The following TGM1 variants were observed in gnomAD, a reference collection of about 807,000 sequenced individuals.
TGM1 encodes the protein transglutaminase 1.
Under a neutral mutation model 88.7 loss-of-function variants are expected in TGM1, and 63 were observed. The ratio of observed to expected loss-of-function variants is 0.71; its 90% CI spans 0.58 to 0.88. The LOEUF (loss-of-function observed/expected upper bound fraction) is 0.88, where lower values mean the gene tolerates loss of function less well. Ranked by LOEUF, TGM1 falls within the 40% of genes least tolerant of loss-of-function variation. The pLI, the probability that TGM1 is intolerant of heterozygous loss-of-function variation, is 0.00. For synonymous variants in TGM1, 415 were observed against 431.1 expected (o/e 0.96, Z 0.46); for missense variants, 996 against 1,118.0 (o/e 0.89, Z 1.56).
chr14:24,250,720 C>T (rs188368012), intron 14 of TGM1, among the ~76,000 whole-genome samples: 2 of 152,194 alleles, frequency 1.3e-5, no homozygotes, highest in Non-Finnish European at 2.9e-5. Flanking sequence ...AAAGGAAACT[C>T]ACCCTTCTCT....
intron 14 of TGM1, among the ~76,000 whole-genome samples, chr14:24,251,732 C>G (rs186811500): frequency 5.9e-5 from 9 of 152,346 alleles, no homozygotes; most frequent in Admixed American, 5.9e-4. Flanking sequence ...TACACACAGG[C>G]GTGTGCTCAG....
In TGM1 at chr14:24,255,314, A is replaced by T; in HGVS notation, c.1645+50T>A. On this transcript the variant is annotated intron_variant, in intron 11 of 14. Coordinates refer to ENST00000206765, the MANE Select transcript of TGM1 (RefSeq NM_000359.3). This position sits in a 1 kb window ranked among gnomAD's most constrained non-coding sequence, Gnocchi z 4.0. Reference sequence around the variant, plus strand: ...CCACGTGGGTGGCCAAGCACTTGGCAGGAACACTTGTTGTGGGGCCCAGAG... The same window carrying T: ...CCACGTGGGTGGCCAAGCACTTGGCTGGAACACTTGTTGTGGGGCCCAGAG... The T allele has an allele frequency of 6.2e-7, 1 of 1,614,236 alleles. No homozygotes were observed. Among genetic ancestry groups the T allele is most frequent in the Non-Finnish European group, 8.5e-7 (1 of 1,180,040 alleles).
In TGM1 at chr14:24,259,858, C is replaced by T; in HGVS notation, c.877-47G>A. The T allele has an allele frequency of 5.0e-6, 8 of 1,609,526 alleles. No individual in the cohort carries two copies. Among genetic ancestry groups the T allele is most frequent in the Non-Finnish European group, 6.8e-6 (8 of 1,176,804 alleles). On this transcript the variant is annotated intron_variant, in intron 5 of 14. Transcript: ENST00000206765. The surrounding 1 kb of genome is among the most constrained non-coding windows in gnomAD (Gnocchi z 5.7). ...AGAGGTGACAGCCTGAACCCTAGGC[C>T]AGCACCCTGCTCCAATACCCCAGCC... is the stretch of plus-strand genomic sequence containing the variant.
At chr14:24,262,425 C>A in intron 1 of TGM1, 71 bp from the exon 2 acceptor site, 2 of 1,523,898 alleles carry the variant, frequency 1.3e-6, no homozygotes, top group South Asian at 1.2e-5. Flanking sequence ...ACCCTCCATC[C>A]AGACAGCTGA....
chr14:24,261,983 G>T (rs896236905), intron 2 of TGM1, 51 bp downstream of exon 2: 1 of 1,610,676 alleles, frequency 6.2e-7, no homozygotes, highest in African/African-American at 1.3e-5. Flanking sequence ...TGAGTCTCTG[G>T]TCCCATTAAA....
chr14:24,258,196 G>C, intron 9 of TGM1, 89 bp downstream of exon 9: 2 of 1,154,772 alleles, frequency 1.7e-6, no homozygotes, highest in Non-Finnish European at 2.5e-6. Context: ...TTGGCTCTCC[G>C]GCCCGGCCCA....
chr14:24,259,245 T>C lies in TGM1; in HGVS notation c.989A>G (p.Asn330Ser), dbSNP rs1300625777. Residue 330 changes from asparagine to serine, a missense_variant, in exon 7 of 15, where the codon AAC (asparagine) becomes AGC (serine). By Grantham distance (46) the Asn-to-Ser change is conservative. Coordinates refer to ENST00000206765, the MANE Select transcript of TGM1 (RefSeq NM_000359.3). This position sits in a 1 kb window ranked among gnomAD's most constrained non-coding sequence, Gnocchi z 5.7. ...CAGGACTCCATTGTCATCCAGGGAG[T>C]TCACCTGCCCAGGACAGGATGAGAT... The part of the protein sequence containing the change: ...NVSRVISAMV[N>S]SLDDNGVLIG... 1 of 1,611,894 alleles carries C rather than the reference T, an allele frequency of 6.2e-7. No homozygotes were observed. Among genetic ancestry groups the C allele is most frequent in the African/African-American group, 1.3e-5 (1 of 74,778 alleles).
chr14:24,261,740 G>A lies in TGM1; in HGVS notation c.463C>T (p.Arg155Trp), dbSNP rs187901859. 400 of 1,614,122 alleles carry A rather than the reference G, an allele frequency of 2.5e-4. 4 individuals carry two copies. The East Asian group carries it at 8.2e-3, about 33-fold the overall frequency. The change falls in exon 3 of 15, where the codon CGG (arginine) becomes TGG (tryptophan). Residue 155 changes from arginine (R) to tryptophan (W), a missense_variant. Transcript: ENST00000206765. ...ATGCGATCAGAGGATTCATAGGTCC[G>A]GGACAGGAGGAGGAGCATATGGAAA... ...QPFHMLLLLS[R>W]TYESSDRITL...
In TGM1 at chr14:24,259,358, T is replaced by A; in HGVS notation, c.985-109A>T. The A allele has an allele frequency of 1.8e-6, 2 of 1,085,402 alleles. No homozygotes were observed. Among genetic ancestry groups the A allele is most frequent in the Non-Finnish European group, 2.7e-6 (2 of 731,422 alleles). 67.2% of individuals were successfully genotyped at this position (1,085,402 alleles called of 1,614,324 possible). ...CGATCCTGCAACCACCCCTTACCCC[T>A]AAATGCCTCAGGATCCAGACACCAG... On this transcript the variant is annotated intron_variant, in intron 6 of 14. Transcript: ENST00000206765. The surrounding 1 kb of genome is among the most constrained non-coding windows in gnomAD (Gnocchi z 5.7).
At position 24,258,285 on chromosome 14, in the gene TGM1, C is replaced by CA. The variant is rs766035647; in HGVS notation, c.1401dup (p.Gly468TrpfsTer30). 1 of 1,613,060 alleles carries CA rather than the reference C, an allele frequency of 6.2e-7. No homozygotes were observed. The highest frequency in any genetic ancestry group is 1.1e-5 in the South Asian group (1 of 91,050). ...GTGGGGAGTGGGGGGCCCAGCTTAC[C>CA]ACTGCTAGTCTCTTGGGGTGTGGCA... On this transcript the variant is annotated frameshift_variant and splice_region_variant, in exon 9 of 15. Transcript: ENST00000206765. LOFTEE classifies it high-confidence loss of function.
At chr14:24,262,882 C>T (rs908475838) in intron 1 of TGM1, among the ~76,000 whole-genome samples, 1 of 152,212 alleles carries the variant, frequency 6.6e-6, no homozygotes, top group African/African-American at 2.4e-5. Context: ...CAGGGAAGAC[C>T]CCACTTGGGG....
chr14:24,259,044 C>G lies in TGM1; in HGVS notation c.1159+31G>C. 6.2e-7 allele frequency: 1 copy of G among 1,612,496 alleles called. No individual in the cohort carries two copies. Among genetic ancestry groups the G allele is most frequent in the Non-Finnish European group, 8.5e-7 (1 of 1,179,416 alleles). ...TTTCCTCCCTTCTCCCTGTAGGGCC[C>G]GGGCCACTCCTGTCCCAGTCCCTCC... On this transcript the variant is annotated intron_variant, in intron 7 of 14. Coordinates refer to ENST00000206765, the MANE Select transcript of TGM1 (RefSeq NM_000359.3). This position sits in a 1 kb window ranked among gnomAD's most constrained non-coding sequence, Gnocchi z 5.7.
Position 24,249,534 on chromosome 14 carries a change from C to T in TGM1, c.2233G>A (p.Gly745Arg). The change falls in exon 15 of 15, where the codon GGA becomes AGA. Residue 745 changes from glycine to arginine, a missense_variant. Gly to Arg is a moderately radical substitution (Grantham distance 125). Transcript: ENST00000206765. ...CGCAGTGTCACTGTTTCATTGCCTC[C>T]AATGTCCCTGTGGGCAGAGACAAGG... Reference protein sequence around the residue: ...RPKILNVGDIGGNETVTLRQS... With the variant: ...RPKILNVGDIRGNETVTLRQS... 2 of 1,613,832 alleles carry T rather than the reference C, an allele frequency of 1.2e-6. No homozygotes were observed. Among genetic ancestry groups the T allele is most frequent in the South Asian group, 2.2e-5 (2 of 91,026 alleles).
Position 24,260,611 on chromosome 14 carries a change from T to A in TGM1, c.596A>T (p.Lys199Met). The stretch of plus-strand genomic sequence containing the variant: ...CAGGTTCAGATTCTGCCCACTGGCC[T>A]TGACCACCTGGGCTTTCCAGCCTCC... The part of the protein sequence containing the change: ...GSGGWKAQVV[K>M]ASGQNLNLRV... The change falls in exon 4 of 15, where the codon AAG (lysine) becomes ATG (methionine). Residue 199 changes from lysine (K) to methionine (M), a missense_variant. Transcript: ENST00000206765. 6.2e-7 allele frequency: 1 copy of A among 1,614,218 alleles called. No individual in the cohort carries two copies. The highest frequency in any genetic ancestry group is 1.6e-4 in the Middle Eastern group (1 of 6,062).
Position 24,255,591 on chromosome 14 carries a change from C to T in TGM1, c.1492-74G>A, listed in dbSNP as rs988660680. The T allele has an allele frequency of 3.8e-6, 6 of 1,591,506 alleles. No individual in the cohort carries two copies. Among genetic ancestry groups the T allele is most frequent in the Non-Finnish European group, 4.3e-6 (5 of 1,165,844 alleles). Reference sequence around the variant, plus strand: ...GGTGGCCTGACTCCCGGCCTCCTTCCCCTGATCCCAGGAGCTATGGGACAG... The same window carrying T: ...GGTGGCCTGACTCCCGGCCTCCTTCTCCTGATCCCAGGAGCTATGGGACAG... On this transcript the variant is annotated intron_variant, in intron 10 of 14. Coordinates refer to ENST00000206765, the MANE Select transcript of TGM1 (RefSeq NM_000359.3). This position sits in a 1 kb window ranked among gnomAD's most constrained non-coding sequence, Gnocchi z 4.0.
At chr14:24,250,608 C>G (rs912450832) in intron 14 of TGM1, among the ~76,000 whole-genome samples, 3 of 152,148 alleles carry the variant, frequency 2.0e-5, no homozygotes, top group African/African-American at 7.2e-5. Flanking sequence ...CCCAGCTCTG[C>G]CTCCCCACCC....
chr14:24,261,208 C>T (rs973121013), intron 3 of TGM1, among the ~76,000 whole-genome samples: 6 of 152,176 alleles, frequency 3.9e-5, no homozygotes, highest in African/African-American at 4.8e-5. Flanking sequence ...CCCCAGGCAG[C>T]AGCATAATCA....
chr14:24,260,313 G>A (rs1030309016), intron 4 of TGM1, 137 bp downstream of exon 4: 14 of 1,402,058 alleles, frequency 1.0e-5, no homozygotes, highest in African/African-American at 1.4e-5. Context: ...ACCAGGCCTC[G>A]GTCCTCTCAT....
chr14:24,260,574 A>C lies in TGM1; in HGVS notation c.633T>G (p.Thr211=). ...SGQNLNLRVH[T]SPNAIIGKFQ... is the part of the protein sequence containing the mutation. ...ACTTGCCGATGATGGCGTTGGGGGA[A>C]GTGTGGACCCGCAGGTTCAGATTCT... The change falls in exon 4 of 15, where the codon ACT becomes ACG. Residue 211 remains threonine, a synonymous_variant. Coordinates refer to ENST00000206765, the MANE Select transcript of TGM1 (RefSeq NM_000359.3). The C allele has an allele frequency of 6.2e-7, 1 of 1,614,188 alleles. No individual in the cohort carries two copies. Among genetic ancestry groups the C allele is most frequent in the Non-Finnish European group, 8.5e-7 (1 of 1,180,026 alleles).
Sources: gnomAD v4.1 joint callset for allele counts (sites outside exome capture counted in the v4.1 genomes callset) on GRCh38, gnomAD v4.1.1 for gene constraint, Gnocchi (gnomAD v3.1) non-coding constraint, MANE v1.5 for transcripts, NCBI Gene and HGNC (gene_info 2026-07-23, HGNC 2026-07-21) for gene names.